The following UNC79 variants were observed in gnomAD, a reference collection of about 807,000 sequenced individuals.
The protein encoded by UNC79 is unc-79 subunit of NALCN channel complex, also known as protein unc-79 homolog.
A neutral mutation model predicts 283.1 loss-of-function variants in UNC79; 37 were observed. The ratio of observed to expected loss-of-function variants is 0.13; its 90% confidence interval spans 0.10 to 0.17. The LOEUF (loss-of-function observed/expected upper bound fraction) is 0.17, where lower values mean the gene tolerates loss of function less well. Among genes scored for constraint, UNC79 ranks in the 10% least tolerant of loss-of-function variants. The pLI, the probability that UNC79 is intolerant of heterozygous loss-of-function variation, is 1.00. For synonymous variants in UNC79, 1,107 were observed against 1,200.2 expected, an observed-to-expected ratio of 0.92 and a Z score of 1.61; for missense variants, 2,272 against 3,211.1, an observed-to-expected ratio of 0.71 and a Z score of 7.07.
At chr14:93,545,094 CT>C (rs900532440) in intron 14 of UNC79, among the ~76,000 whole-genome samples, 1 of 152,086 alleles carries the variant, frequency 6.6e-6, no homozygotes, top group African/African-American at 2.4e-5. Flanking sequence ...GTGTTAATTA[CT>C]GGCAAAATGG....
intron 1 of UNC79, among the ~76,000 whole-genome samples, chr14:93,353,266 C>T (rs1041332143): frequency 6.6e-5 from 10 of 152,150 alleles, no homozygotes; most frequent in Non-Finnish European, 1.0e-4. Flanking sequence ...TGCAGTGGCA[C>T]AGTCACAGCT....
rs117677773 is a variant in UNC79, at chr14:93,635,254, C to T, written c.5717-1962C>T. Among the ~76,000 whole-genome samples the T allele has an allele frequency of 5.9e-5, 9 of 152,300 alleles. No individual in the cohort carries two copies. The East Asian group carries it at 1.3e-3, about 23-fold the overall frequency. ...CTAAACTTTGTTACCACGTTTTGTA[C>T]GTGTACTACCTTATCAAGCCAGTAG... On this transcript the variant is annotated intron_variant, in intron 31 of 48. Transcript: ENST00000555664.
chr14:93,618,341 C>T (rs777066349), exon 29 of UNC79: 27 of 1,604,794 alleles, frequency 1.7e-5, no homozygotes, highest in South Asian at 3.4e-5. Flanking sequence ...GCAGATACAG[C>T]GAAAAAGAAA....
chr14:93,521,530 G>C (rs972018174), intron 7 of UNC79, among the ~76,000 whole-genome samples: 1 of 151,756 alleles, frequency 6.6e-6, no homozygotes, highest in Non-Finnish European at 1.5e-5. Context: ...CTAGGGCCAA[G>C]GTCTGGAAGT....
At chr14:93,476,735 A>G (rs2057820132) in intron 3 of UNC79, among the ~76,000 whole-genome samples, 1 of 152,216 alleles carries the variant, frequency 6.6e-6, no homozygotes. Context: ...GGAATATACA[A>G]ATGTACATTT....
At position 93,688,671 on chromosome 14, in the gene UNC79, A is replaced by G. The variant is rs765096254; in HGVS notation, c.6916A>G (p.Met2306Val). 6.2e-7 allele frequency: 1 copy of G among 1,613,448 alleles called. No individual in the cohort carries two copies. The change falls in exon 44 of 49, where the codon ATG becomes GTG. Residue 2306 changes from methionine to valine, a missense_variant. Met to Val is a conservative substitution (Grantham distance 21). This residue lies in a region of UNC79 where 287 missense variants were observed against 446.4 expected (regional missense o/e 0.64). Coordinates refer to ENST00000555664, the Ensembl canonical transcript of UNC79. This position sits in a 1 kb window ranked among gnomAD's most constrained non-coding sequence, Gnocchi z 4.0. ...ATACCATTCGGTTTTGTAGAGCCAC[A>G]TGAAGACATGTTCCCAGCCTCTGCA...
intron 1 of UNC79, among the ~76,000 whole-genome samples, chr14:93,451,116 G>A (rs2056626971): frequency 6.6e-6 from 1 of 151,128 alleles, no homozygotes; most frequent in African/African-American, 2.4e-5. Context: ...ATTAATAACA[G>A]GTTTTTTTTT....
At chr14:93,610,000 C>A (rs1397712392) in intron 26 of UNC79, among the ~76,000 whole-genome samples, 1 of 152,088 alleles carries the variant, frequency 6.6e-6, no homozygotes, top group Non-Finnish European at 1.5e-5. Flanking sequence ...TCAGGGAAAG[C>A]AGCAAACTTA....
intron 12 of UNC79, among the ~76,000 whole-genome samples, chr14:93,539,958 C>T (rs2061298131): frequency 6.6e-6 from 1 of 152,126 alleles, no homozygotes; most frequent in East Asian, 1.9e-4. Flanking sequence ...ATAAGTAACG[C>T]TTTGAGAAAT....
intron 6 of UNC79, 130 bp from the exon 7 acceptor site, chr14:93,497,027 A>T: frequency 1.1e-6 from 1 of 951,860 alleles, no homozygotes; most frequent in South Asian, 1.7e-5. Flanking sequence ...ACATGTCTGC[A>T]TGAGATTCCA....
intron 40 of UNC79, among the ~76,000 whole-genome samples, chr14:93,673,042 A>G (rs2073026164): frequency 6.6e-6 from 1 of 152,200 alleles, no homozygotes; most frequent in East Asian, 1.9e-4. Flanking sequence ...CGACTGATTT[A>G]ATTGCTGCAG....
chr14:93,624,248 G>T (rs541785008), intron 30 of UNC79, among the ~76,000 whole-genome samples: 1 of 152,156 alleles, frequency 6.6e-6, no homozygotes, highest in Non-Finnish European at 1.5e-5. Flanking sequence ...TCAAAAACGC[G>T]CTGTAAAAAT....
At chr14:93,355,686 TC>T (rs1214117804) in intron 1 of UNC79, among the ~76,000 whole-genome samples, 1 of 152,214 alleles carries the variant, frequency 6.6e-6, no homozygotes, top group Non-Finnish European at 1.5e-5. Flanking sequence ...ACCACCTCTT[TC>T]CATCCAGGTT....
chr14:93,662,702 A>G (rs1596287289), exon 40 of UNC79: 3 of 1,608,814 alleles, frequency 1.9e-6, no homozygotes, highest in Non-Finnish European at 2.5e-6. Flanking sequence ...TATGTTACCG[A>G]GCTTTCACTA....
intron 4 of UNC79, among the ~76,000 whole-genome samples, chr14:93,478,345 C>T (rs1477935965): frequency 1.3e-5 from 2 of 152,196 alleles, no homozygotes; most frequent in African/African-American, 2.4e-5. Flanking sequence ...TGTTTCATTT[C>T]TGTAGACTTA....
intron 1 of UNC79, among the ~76,000 whole-genome samples, chr14:93,348,887 T>C (rs1286377516): frequency 2.0e-5 from 3 of 152,224 alleles, no homozygotes; most frequent in Admixed American, 6.5e-5. Context: ...CCTCTCAACA[T>C]AGTACCTGAA....
intron 2 of UNC79, among the ~76,000 whole-genome samples, chr14:93,472,251 G>C (rs2057547855): frequency 6.6e-6 from 1 of 151,994 alleles, no homozygotes; most frequent in East Asian, 1.9e-4. Flanking sequence ...ACAGATTTTT[G>C]GTGACTGGGT....
At chr14:93,693,552 T>G (rs28615802) in intron 46 of UNC79, among the ~76,000 whole-genome samples, 91,506 of 152,076 alleles carry the variant, frequency 0.6, 28,020 homozygotes, top group Admixed American at 0.66. Context: ...ATATTTAAAA[T>G]CCAGCCATAG....
intron 7 of UNC79, among the ~76,000 whole-genome samples, chr14:93,512,731 C>T (rs959677758): frequency 1.3e-5 from 2 of 151,966 alleles, no homozygotes; most frequent in African/African-American, 4.8e-5. Context: ...TTTCTTTTAG[C>T]TATTTTTTAC....
Sources: allele counts gnomAD v4.1 joint callset (sites outside exome capture counted in the v4.1 genomes callset), GRCh38; gene constraint gnomAD v4.1.1; regional missense constraint gnomAD v4.1.1; non-coding constraint Gnocchi (gnomAD v3.1); transcripts MANE v1.5; gene names NCBI Gene and HGNC (gene_info 2026-07-23, HGNC 2026-07-21).